Variants in SYT9 observed in about 807,000 individuals in gnomAD.
SYT9 encodes synaptotagmin 9, also known as synaptotagmin-9.
Under a neutral mutation model 48.4 loss-of-function variants are expected in SYT9, and 22 were observed. The ratio of observed to expected loss-of-function variants is 0.45; its 90% CI spans 0.32 to 0.65. The LOEUF (loss-of-function observed/expected upper bound fraction) is 0.65, where lower values mean the gene tolerates loss of function less well. SYT9 is among the 30% of genes least tolerant of loss of function. The pLI is 0.03. For synonymous variants in SYT9, 265 were observed against 245.0 expected, an observed-to-expected ratio of 1.08 and a Z score of -0.76; for missense variants, 577 against 622.0, an observed-to-expected ratio of 0.93 and a Z score of 0.77.
At chr11:7,429,757 C>G (rs1847531270) in intron 6 of SYT9, among the ~76,000 whole-genome samples, 1 of 152,030 alleles carries the variant, frequency 6.6e-6, no homozygotes, top group East Asian at 1.9e-4. Context: ...ACAGTAGACT[C>G]CCATTAAAGT....
intron 3 of SYT9, among the ~76,000 whole-genome samples, chr11:7,362,949 CTTTTTTTTTTTTT>C (rs35065184): frequency 1.7e-4 from 3 of 17,922 alleles, no homozygotes; most frequent in Non-Finnish European, 2.2e-4. Context: ...ATTTATTGGC[CTTTTTTTTTTTTT>C]TTTTTTTTTT....
chr11:7,324,590 G>C (rs1849394372), intron 3 of SYT9, among the ~76,000 whole-genome samples: 2 of 151,632 alleles, frequency 1.3e-5, no homozygotes, highest in African/African-American at 2.4e-5. Context: ...GATATTTAGT[G>C]TTTTCATTTT....
intron 1 of SYT9, among the ~76,000 whole-genome samples, chr11:7,263,839 G>C (rs1848125155): frequency 6.7e-6 from 1 of 149,514 alleles, no homozygotes. Flanking sequence ...GAGAGAAATT[G>C]AGAGAAAAGA....
At chr11:7,369,861 T>A (rs1212713040) in intron 3 of SYT9, among the ~76,000 whole-genome samples, 3 of 150,732 alleles carry the variant, frequency 2.0e-5, no homozygotes, top group Non-Finnish European at 3.0e-5. Flanking sequence ...ATTTTAAAAA[T>A]TTGCAGTTCT....
chr11:7,310,533 G>A (rs972588695), intron 2 of SYT9, among the ~76,000 whole-genome samples: 9 of 145,574 alleles, frequency 6.2e-5, no homozygotes, highest in Admixed American at 3.6e-4. Flanking sequence ...TGCAAGCTCC[G>A]GCTCCCAGGT....
At chr11:7,446,654 T>TC (rs1006069315) in intron 6 of SYT9, among the ~76,000 whole-genome samples, 9 of 152,040 alleles carry the variant, frequency 5.9e-5, no homozygotes, top group South Asian at 4.2e-4. Context: ...TCCCTGGCCA[T>TC]CCCCCCCAGC....
intron 3 of SYT9, among the ~76,000 whole-genome samples, chr11:7,341,886 T>G (rs1258610412): frequency 6.6e-6 from 1 of 152,088 alleles, no homozygotes; most frequent in Non-Finnish European, 1.5e-5. Flanking sequence ...AATGGACTCA[T>G]AGTTCCACGT....
chr11:7,344,994 A>G (rs1372633348), intron 3 of SYT9, among the ~76,000 whole-genome samples: 2 of 152,066 alleles, frequency 1.3e-5, no homozygotes, highest in African/African-American at 2.4e-5. Context: ...CATTAAATAT[A>G]GAATCACTTT....
At chr11:7,355,562 C>T (rs1214339666) in intron 3 of SYT9, among the ~76,000 whole-genome samples, 4 of 152,218 alleles carry the variant, frequency 2.6e-5, no homozygotes, top group African/African-American at 7.2e-5. Flanking sequence ...GGTTACCCCA[C>T]CTTCTTCCAT....
intron 3 of SYT9, among the ~76,000 whole-genome samples, chr11:7,407,500 C>A (rs1847045106): frequency 1.0e-5 from 1 of 100,254 alleles, no homozygotes; most frequent in Non-Finnish European, 1.9e-5. Flanking sequence ...CCTGCCTCAG[C>A]CTCCCCAGTA....
intron 3 of SYT9, among the ~76,000 whole-genome samples, chr11:7,359,617 T>C: frequency 8.8e-6 from 1 of 113,028 alleles, no homozygotes; most frequent in Non-Finnish European, 2.0e-5. Context: ...GTGAGCATTT[T>C]TTCATGTGTT....
At chr11:7,298,225 G>A (rs955510176) in intron 1 of SYT9, among the ~76,000 whole-genome samples, 21 of 150,910 alleles carry the variant, frequency 1.4e-4, no homozygotes, top group African/African-American at 5.1e-4. Flanking sequence ...TGTTTTTCTC[G>A]GTCTACGTTC....
chr11:7,347,771 G>C (rs7934400), intron 3 of SYT9, among the ~76,000 whole-genome samples: 46,514 of 152,068 alleles, frequency 0.31, 7,475 homozygotes, highest in Non-Finnish European at 0.36. Context: ...GATTGAGACA[G>C]GGATCAAGAA....
upstream of SYT9, among the ~76,000 whole-genome samples, chr11:7,251,647 G>A (rs973235291): frequency 2.6e-5 from 4 of 152,154 alleles, no homozygotes; most frequent in Non-Finnish European, 4.4e-5. Context: ...GGTGGGAGCG[G>A]GTGCTTGGTT....
At chr11:7,406,955 C>A (rs914985632) in intron 3 of SYT9, among the ~76,000 whole-genome samples, 1 of 152,090 alleles carries the variant, frequency 6.6e-6, no homozygotes, top group South Asian at 2.1e-4. Flanking sequence ...TGATGCTGAG[C>A]ATTTTTTCAT....
Position 7,418,116 on chromosome 11 carries a change from T to A in SYT9, c.1325T>A (p.Met442Lys), listed in dbSNP as rs746510096. ...IDQIHLSIAV[M>K]DYDRVGHNEI... ...CAAATCCACTTGTCCATAGCAGTCA[T>A]GGACTATGACCGGTGAGATACCTGG... The change falls in exon 5 of 7, where the codon ATG becomes AAG. Residue 442 changes from methionine to lysine, a missense_variant. Coordinates refer to ENST00000318881, the MANE Select transcript of SYT9 (RefSeq NM_175733.4). 6.2e-7 allele frequency: 1 copy of A among 1,613,786 alleles called. No homozygotes were observed. Among genetic ancestry groups the A allele is most frequent in the South Asian group, 1.1e-5 (1 of 91,004 alleles).
intron 3 of SYT9, among the ~76,000 whole-genome samples, chr11:7,372,673 A>G (rs934157557): frequency 6.6e-6 from 1 of 151,928 alleles, no homozygotes; most frequent in Non-Finnish European, 1.5e-5. Flanking sequence ...GGAATTCTTT[A>G]TTTTTATATA....
intron 3 of SYT9, among the ~76,000 whole-genome samples, chr11:7,384,142 TGTG>T (rs1244252355): frequency 2.0e-5 from 3 of 151,890 alleles, no homozygotes; most frequent in African/African-American, 7.3e-5. Flanking sequence ...GTTATACACT[TGTG>T]GAGATAATTA....
chr11:7,239,240 G>A (rs1046499171), intron 1 of SYT9, among the ~76,000 whole-genome samples: 1 of 152,164 alleles, frequency 6.6e-6, no homozygotes, highest in South Asian at 2.1e-4. Context: ...AACAGGAAGT[G>A]CAGAAGAAGG....
Sources: gnomAD v4.1 joint callset for allele counts (sites outside exome capture counted in the v4.1 genomes callset) on GRCh38, gnomAD v4.1.1 for gene constraint, MANE v1.5 for transcripts, NCBI Gene and HGNC (gene_info 2026-07-23, HGNC 2026-07-21) for gene names.